Variants in GRM5 observed in about 807,000 individuals in gnomAD.
The protein encoded by GRM5 is glutamate metabotropic receptor 5.
In GRM5, 19 loss-of-function variants were observed where a neutral mutation model predicts 83.1. The observed-to-expected ratio is 0.23, with a 90% CI of 0.16 to 0.34. The LOEUF (loss-of-function observed/expected upper bound fraction) is 0.34. Among genes scored for constraint, GRM5 ranks in the 10% least tolerant of loss-of-function variants. GRM5 has a pLI of 1.00. For synonymous variants in GRM5, 675 were observed against 633.6 expected, an observed-to-expected ratio of 1.07 and a Z score of -0.98; for missense variants, 1,160 against 1,588.3, an observed-to-expected ratio of 0.73 and a Z score of 4.58.
chr11:88,621,323 T>C (rs192676929), intron 4 of GRM5, among the ~76,000 whole-genome samples: 19 of 152,318 alleles, frequency 1.2e-4, no homozygotes, highest in Non-Finnish European at 1.5e-5. Context: ...AAGATGTGGC[T>C]TTCTCATTTT....
rs3862365 is a variant in GRM5, at chr11:88,793,561, G to A, written c.911+56345C>T. 5.9e-5 allele frequency among the ~76,000 whole-genome samples: 9 copies of A among 152,210 alleles called. No individual in the cohort carries two copies. The East Asian group carries it at 1.7e-3, about 29-fold the overall frequency. ...GAAATAGAAATAATAGTATTGGGAA[G>A]AATTTTAATTAGATCTAAGAATAAC... On this transcript the variant is annotated intron_variant, in intron 3 of 9. Coordinates refer to ENST00000305447, the MANE Select transcript of GRM5 (RefSeq NM_001143831.3).
intron 4 of GRM5, among the ~76,000 whole-genome samples, chr11:88,616,182 G>C (rs1296427332): frequency 6.6e-6 from 1 of 152,090 alleles, no homozygotes; most frequent in Non-Finnish European, 1.5e-5. Context: ...CCTGGTCCCT[G>C]ACCCAAGTTT....
At position 88,868,005 on chromosome 11, in the gene GRM5, A is replaced by G. The variant is rs200613346; in HGVS notation, c.662-17850T>C. On this transcript the variant is annotated intron_variant, in intron 2 of 9. Coordinates refer to ENST00000305447, the MANE Select transcript of GRM5 (RefSeq NM_001143831.3). The stretch of plus-strand genomic sequence containing the variant: ...GTCATAGAGATCATAATACTTGGAA[A>G]GGGCATTGGCCTTTGCCATATATAG... Among the ~76,000 whole-genome samples the G allele has an allele frequency of 9.9e-5, 15 of 152,086 alleles. No individual in the cohort carries two copies. The East Asian group carries it at 1.9e-3, about 20-fold the overall frequency.
In GRM5 at chr11:88,525,354, G is replaced by T; in HGVS notation, c.2681C>A (p.Thr894Asn). ...AQHKSEIECF[T>N]PKGSMGNGGR... ...ACCATTCCCCATACTCCCTTTGGGG[G>T]TGAAACACTCTATTTCCGACTTGTG... The change falls in exon 9 of 10, where the codon ACC becomes AAC. Residue 894 changes from threonine to asparagine, a missense_variant. Thr to Asn is a moderately conservative substitution (Grantham distance 65). Coordinates refer to ENST00000305447, the MANE Select transcript of GRM5 (RefSeq NM_001143831.3). 6.2e-7 allele frequency: 1 copy of T among 1,612,488 alleles called. No homozygotes were observed. The highest frequency in any genetic ancestry group is 8.5e-7 in the Non-Finnish European group (1 of 1,178,674).
At chr11:88,869,877 A>AT (rs1032608175) in intron 2 of GRM5, among the ~76,000 whole-genome samples, 3 of 151,486 alleles carry the variant, frequency 2.0e-5, no homozygotes, top group East Asian at 1.9e-4. Flanking sequence ...CCCTGGTTAT[A>AT]TTTTTTTAGT....
At chr11:88,599,103 T>G (rs560087698) in intron 5 of GRM5, among the ~76,000 whole-genome samples, 5 of 152,346 alleles carry the variant, frequency 3.3e-5, no homozygotes, top group African/African-American at 1.2e-4. Flanking sequence ...ATATTTTCCT[T>G]GCTTAAATAT....
intron 3 of GRM5, among the ~76,000 whole-genome samples, chr11:88,806,819 T>C (rs1943507089): frequency 6.6e-6 from 1 of 152,186 alleles, no homozygotes; most frequent in African/African-American, 2.4e-5. Context: ...TCTTTCAATG[T>C]GTTAAGGTTC....
chr11:88,838,983 CT>C (rs5793351), intron 3 of GRM5, among the ~76,000 whole-genome samples: 46,079 of 151,666 alleles, frequency 0.3, 7,362 homozygotes, highest in South Asian at 0.53. Flanking sequence ...TATTTCTAAA[CT>C]TTTAAGCTAT....
At chr11:88,658,874 C>G (rs973534868) in intron 3 of GRM5, among the ~76,000 whole-genome samples, 4 of 152,048 alleles carry the variant, frequency 2.6e-5, no homozygotes, top group African/African-American at 9.7e-5. Flanking sequence ...TTTGTGCCAT[C>G]CTAAAGATTT....
At chr11:89,020,118 C>A (rs1321114681) in intron 2 of GRM5, among the ~76,000 whole-genome samples, 1 of 152,122 alleles carries the variant, frequency 6.6e-6, no homozygotes, top group Non-Finnish European at 1.5e-5. Context: ...GCTGAATATA[C>A]CTTATCTAAT....
intron 2 of GRM5, among the ~76,000 whole-genome samples, chr11:88,969,768 C>A (rs1005357783): frequency 1.3e-5 from 2 of 152,118 alleles, no homozygotes; most frequent in African/African-American, 4.8e-5. Flanking sequence ...ATATACTTTG[C>A]ATTTTCCATT....
chr11:88,938,947 A>G (rs1012955883), intron 2 of GRM5, among the ~76,000 whole-genome samples: 20 of 151,726 alleles, frequency 1.3e-4, no homozygotes, highest in African/African-American at 4.1e-4. Flanking sequence ...TTTTCTCTCC[A>G]TAACTGTGAA....
chr11:88,628,564 A>G (rs1350363409), intron 4 of GRM5, among the ~76,000 whole-genome samples: 1 of 152,208 alleles, frequency 6.6e-6, no homozygotes, highest in African/African-American at 2.4e-5. Flanking sequence ...TCCAAAATAA[A>G]TTGAATTGGC....
At chr11:88,806,824 AG>A (rs1943507168) in intron 3 of GRM5, among the ~76,000 whole-genome samples, 1 of 152,158 alleles carries the variant, frequency 6.6e-6, no homozygotes, top group Admixed American at 6.6e-5. Flanking sequence ...CAATGTGTTA[AG>A]GTTCTAATAC....
rs553814528 is a variant in GRM5 at position 88,636,009 on chromosome 11, A to C, written c.1147+17159T>G. 2.6e-5 allele frequency among the ~76,000 whole-genome samples: 4 copies of C among 152,352 alleles called. No individual in the cohort carries two copies. In the South Asian group the frequency reaches 8.3e-4, roughly 32 times the overall value. The stretch of plus-strand genomic sequence containing the variant: ...TTCTATAATTCATATCTTCTATTAC[A>C]AAAATGTAATAAACTCACTAGAACT... On this transcript the variant is annotated intron_variant, in intron 4 of 9. Transcript: ENST00000305447.
At chr11:88,658,831 G>A (rs1256695025) in intron 3 of GRM5, among the ~76,000 whole-genome samples, 2 of 152,116 alleles carry the variant, frequency 1.3e-5, no homozygotes, top group Admixed American at 6.6e-5. Flanking sequence ...GTAATGAGAG[G>A]GTGAGCTGAA....
intron 2 of GRM5, among the ~76,000 whole-genome samples, chr11:89,037,607 C>G (rs1246241765): frequency 1.3e-5 from 2 of 152,006 alleles, no homozygotes; most frequent in Admixed American, 6.6e-5. Flanking sequence ...GGACTTTGGA[C>G]AAGTAAATTT....
At chr11:88,671,913 C>A (rs545109333) in intron 3 of GRM5, among the ~76,000 whole-genome samples, 1 of 152,050 alleles carries the variant, frequency 6.6e-6, no homozygotes, top group Admixed American at 6.6e-5. Context: ...GGTTTCTGTG[C>A]TCTTTTGGTT....
intron 2 of GRM5, among the ~76,000 whole-genome samples, chr11:88,952,337 G>C (rs144492628): frequency 6.6e-6 from 1 of 152,246 alleles, no homozygotes; most frequent in Non-Finnish European, 1.5e-5. Flanking sequence ...ACTTCCAACT[G>C]TTACTCAGTA....
Sources: allele counts gnomAD v4.1 joint callset (sites outside exome capture counted in the v4.1 genomes callset), GRCh38; gene constraint gnomAD v4.1.1; transcripts MANE v1.5; gene names NCBI Gene and HGNC (gene_info 2026-07-23, HGNC 2026-07-21).